The following ARID2 variants were observed in gnomAD, a reference collection of about 807,000 sequenced individuals.
ARID2 encodes AT-rich interaction domain 2.
A neutral mutation model predicts 184.6 loss-of-function variants in ARID2; 32 were observed. The observed-to-expected ratio is 0.17, with a 90% CI of 0.13 to 0.23. ARID2 has a LOEUF of 0.23. ARID2 is among the 10% of genes least tolerant of loss of function. ARID2 has a pLI of 1.00. For synonymous variants in ARID2, 836 were observed against 772.6 expected, an observed-to-expected ratio of 1.08 and a Z score of -1.36; for missense variants, 1,696 against 2,197.6, an observed-to-expected ratio of 0.77 and a Z score of 4.56.
intron 20 of ARID2, among the ~76,000 whole-genome samples, chr12:45,894,753 G>C (rs1230275310): frequency 1.3e-5 from 2 of 151,866 alleles, no homozygotes; most frequent in East Asian, 3.9e-4. Context: ...GAAATATAAA[G>C]GTTTAGTAAC....
chr12:45,814,945 TTAC>T (rs1321602050), intron 4 of ARID2, among the ~76,000 whole-genome samples: 49 of 152,286 alleles, frequency 3.2e-4, no homozygotes, highest in African/African-American at 1.2e-3. Context: ...AATCATCACT[TTAC>T]TACTAAATGT....
chr12:45,819,747 G>A (rs1281641288), intron 5 of ARID2, among the ~76,000 whole-genome samples: 3 of 143,478 alleles, frequency 2.1e-5, no homozygotes, highest in Non-Finnish European at 4.6e-5. Context: ...GTTTTTTTGG[G>A]TTTTTTTTTT....
chr12:45,865,731 CT>C (rs1426953056), intron 16 of ARID2, among the ~76,000 whole-genome samples: 1 of 151,986 alleles, frequency 6.6e-6, no homozygotes, highest in Non-Finnish European at 1.5e-5. Context: ...AAGTCAGTGA[CT>C]TTTTTCTTCA....
chr12:45,768,944 T>A (rs1254626917), intron 3 of ARID2, among the ~76,000 whole-genome samples: 1 of 152,186 alleles, frequency 6.6e-6, no homozygotes. Context: ...TCATGGTGAC[T>A]TTGGGACTAT....
intron 16 of ARID2, among the ~76,000 whole-genome samples, chr12:45,865,889 A>AT: frequency 6.6e-6 from 1 of 152,264 alleles, no homozygotes; most frequent in African/African-American, 2.4e-5. Context: ...GACTCTTAAC[A>AT]AAAGTGATTC....
chr12:45,876,539 G>A (rs1179460394), intron 16 of ARID2, among the ~76,000 whole-genome samples: 5 of 140,558 alleles, frequency 3.6e-5, no homozygotes, highest in East Asian at 2.1e-4. Context: ...CAACAAGAGC[G>A]AAACTCCATC....
intron 16 of ARID2, among the ~76,000 whole-genome samples, chr12:45,882,987 C>T (rs1422100904): frequency 6.6e-6 from 1 of 152,114 alleles, no homozygotes; most frequent in Non-Finnish European, 1.5e-5. Context: ...TTTCAATTGT[C>T]AGGATAACAA....
intron 3 of ARID2, among the ~76,000 whole-genome samples, chr12:45,750,272 C>T (rs1000113455): frequency 6.6e-6 from 1 of 152,092 alleles, no homozygotes. Context: ...GTGGAGTAGT[C>T]AGAACACACA....
chr12:45,871,061 G>A (rs541446581), intron 16 of ARID2, among the ~76,000 whole-genome samples: 3 of 152,268 alleles, frequency 2.0e-5, no homozygotes, highest in East Asian at 3.9e-4. Context: ...GTGTCTGTAC[G>A]ATTTTGTATT....
At chr12:45,901,271 C>T (rs571975696) in intron 20 of ARID2, among the ~76,000 whole-genome samples, 3 of 148,426 alleles carry the variant, frequency 2.0e-5, no homozygotes, top group Admixed American at 6.8e-5. Flanking sequence ...CCCAGGTTCA[C>T]GCCATTCTCC....
intron 3 of ARID2, among the ~76,000 whole-genome samples, chr12:45,731,979 C>T (rs1941012668): frequency 6.6e-6 from 1 of 151,454 alleles, no homozygotes; most frequent in African/African-American, 2.4e-5. Context: ...TTTCATTCTC[C>T]CTCTTCTTCT....
chr12:45,873,504 TC>T (rs1180023659), intron 16 of ARID2, among the ~76,000 whole-genome samples: 1 of 152,208 alleles, frequency 6.6e-6, no homozygotes, highest in African/African-American at 2.4e-5. Flanking sequence ...TTTAACTTTT[TC>T]ATTTGTGGTT....
chr12:45,894,305 T>C (rs958485201), intron 20 of ARID2, among the ~76,000 whole-genome samples: 6 of 152,218 alleles, frequency 3.9e-5, no homozygotes, highest in African/African-American at 1.4e-4. Flanking sequence ...CTAGAATTCC[T>C]CCTACATCTT....
At chr12:45,846,633 G>C (rs1407651678) in intron 11 of ARID2, among the ~76,000 whole-genome samples, 1 of 152,024 alleles carries the variant, frequency 6.6e-6, no homozygotes, top group Non-Finnish European at 1.5e-5. Context: ...ATGATTGTGA[G>C]GTTAAACAAA....
chr12:45,826,916 A>G (rs918623458), intron 6 of ARID2, among the ~76,000 whole-genome samples: 1 of 152,058 alleles, frequency 6.6e-6, no homozygotes, highest in Non-Finnish European at 1.5e-5. Context: ...TGTTCTTTTC[A>G]CTTATTACAA....
Position 45,839,352 on chromosome 12 carries a change from A to G in ARID2, c.1354A>G (p.Met452Val), listed in dbSNP as rs998091811. 6 of 1,612,062 alleles carry G rather than the reference A, an allele frequency of 3.7e-6. No individual in the cohort carries two copies. Among genetic ancestry groups the G allele is most frequent in the African/African-American group, 1.3e-5 (1 of 74,858 alleles). ...SIDMLVCLVS[M>V]DIQMFGPDAL... ...AGACATGTTAGTGTGTCTGGTTTCTATGGATATTCAGATGTTTGGCCCTGA... is the reference window on the plus strand; with the variant it reads ...AGACATGTTAGTGTGTCTGGTTTCTGTGGATATTCAGATGTTTGGCCCTGA... The change falls in exon 11 of 21, where the codon ATG becomes GTG. Residue 452 changes from methionine to valine, a missense_variant. Coordinates refer to ENST00000334344, the MANE Select transcript of ARID2 (RefSeq NM_152641.4).
intron 3 of ARID2, among the ~76,000 whole-genome samples, chr12:45,769,476 TCA>T (rs1428673766): frequency 1.3e-4 from 19 of 151,918 alleles, no homozygotes; most frequent in African/African-American, 4.6e-4. Context: ...TAAAGATAGA[TCA>T]ACAGAGATTA....
Position 45,893,492 on chromosome 12 carries a change from A to C in ARID2, c.5220A>C (p.Ala1740=), listed in dbSNP as rs1263731920. The change falls in exon 19 of 21, where the codon GCA becomes GCC. Residue 1740 remains alanine, a synonymous_variant. Transcript: ENST00000334344. ...CCATTGTGAATCATCCCAGTGCTGC[A>C]CTTATGGCTCTGAGGAGAGGATCAA... ...QKAIVNHPSA[A]LMALRRGSRN... 1 of 1,614,078 alleles carries C rather than the reference A, an allele frequency of 6.2e-7. No homozygotes were observed. Among genetic ancestry groups the C allele is most frequent in the Non-Finnish European group, 8.5e-7 (1 of 1,179,948 alleles).
At chr12:45,886,606 A>G (rs915783493) in intron 16 of ARID2, among the ~76,000 whole-genome samples, 1 of 152,164 alleles carries the variant, frequency 6.6e-6, no homozygotes, top group East Asian at 1.9e-4. Flanking sequence ...TTCTGCTTGG[A>G]CATCCAGATG....
Sources: allele counts gnomAD v4.1 joint callset (sites outside exome capture counted in the v4.1 genomes callset), GRCh38; gene constraint gnomAD v4.1.1; transcripts MANE v1.5; gene names NCBI Gene and HGNC (gene_info 2026-07-23, HGNC 2026-07-21).